PCDHGB3: variants seen among roughly 807,000 people sequenced by gnomAD.
PCDHGB3 encodes the protein protocadherin gamma subfamily B, 3.
A neutral mutation model predicts 59.2 loss-of-function variants in PCDHGB3; 40 were observed. The ratio of observed to expected loss-of-function variants is 0.68; its 90% CI spans 0.52 to 0.88. The LOEUF (loss-of-function observed/expected upper bound fraction) is 0.88, where lower values mean the gene tolerates loss of function less well. PCDHGB3 is among the 40% of genes least tolerant of loss of function. The pLI is 0.00. For synonymous variants in PCDHGB3, 581 were observed against 503.6 expected (o/e 1.15, Z -2.06); for missense variants, 1,309 against 1,187.9 (o/e 1.10, Z -1.50).
At chr5:141,454,697 T>A (rs768850161) in intron 1 of PCDHGB3, among the ~76,000 whole-genome samples, 14 of 150,312 alleles carry the variant, frequency 9.3e-5, no homozygotes, top group African/African-American at 3.4e-4. Flanking sequence ...TGAGCCACCA[T>A]GCTCCACCTG....
intron 1 of PCDHGB3, chr5:141,374,164 G>A: frequency 6.2e-7 from 1 of 1,612,952 alleles, no homozygotes; most frequent in East Asian, 2.2e-5. Context: ...GGGGGGCCGC[G>A]GCAGCGCAGA....
Position 141,423,504 on chromosome 5 carries a change from T to G in PCDHGB3, c.2415+50695T>G, listed in dbSNP as rs1448233226. ...TGCAAACCTATTCCCACGAGGTCTCTCTCATTGCGGACTCGCAGAAGAGTC... is the reference window on the plus strand; with the variant it reads ...TGCAAACCTATTCCCACGAGGTCTCGCTCATTGCGGACTCGCAGAAGAGTC... On this transcript the variant is annotated intron_variant, in intron 1 of 3. Transcript: ENST00000576222. The G allele has an allele frequency of 3.1e-6, 5 of 1,613,770 alleles. No individual in the cohort carries two copies. The Admixed American group carries it at 8.3e-5, about 27-fold the overall frequency.
At chr5:141,428,455 T>C (rs898393760) in intron 1 of PCDHGB3, 61 of 361,572 alleles carry the variant, frequency 1.7e-4, no homozygotes, top group African/African-American at 1.2e-3. Context: ...TTTTCCCAAC[T>C]ACAATGAGGG....
intron 1 of PCDHGB3, chr5:141,395,239 T>C: frequency 6.3e-7 from 1 of 1,589,970 alleles, no homozygotes; most frequent in Non-Finnish European, 8.6e-7. Flanking sequence ...CATGGTCAGG[T>C]GAGTTTAGTT....
chr5:141,426,166 G>A (rs545570121), intron 1 of PCDHGB3: 4 of 155,070 alleles, frequency 2.6e-5, no homozygotes, highest in South Asian at 2.0e-4. Context: ...GATTCCATAC[G>A]GATTGGGGTG....
intron 1 of PCDHGB3, chr5:141,375,340 C>T (rs1177631226): frequency 1.2e-6 from 2 of 1,613,836 alleles, no homozygotes; most frequent in African/African-American, 1.3e-5. Context: ...TCTTGTACAA[C>T]ATCACTGTGA....
At chr5:141,404,211 T>G in intron 1 of PCDHGB3, 1 of 1,613,724 alleles carries the variant, frequency 6.2e-7, no homozygotes, top group East Asian at 2.2e-5. Context: ...GAATATAATA[T>G]CACGGTGACT....
intron 1 of PCDHGB3, among the ~76,000 whole-genome samples, chr5:141,387,440 A>G (rs2090946110): frequency 6.6e-6 from 1 of 152,240 alleles, no homozygotes; most frequent in African/African-American, 2.4e-5. Flanking sequence ...TATGTACTTA[A>G]TCTACATGAT....
intron 1 of PCDHGB3, chr5:141,375,952 G>T (rs1032808913): frequency 1.2e-6 from 2 of 1,613,514 alleles, no homozygotes; most frequent in Non-Finnish European, 1.7e-6. Flanking sequence ...GCCTGCACAC[G>T]GGCGAGGTGC....
At chr5:141,383,600 A>G (rs1429825116) in intron 1 of PCDHGB3, 2 of 1,613,728 alleles carry the variant, frequency 1.2e-6, no homozygotes, top group South Asian at 2.2e-5. Flanking sequence ...ACAGTGGTGG[A>G]TGTGAATGAC....
chr5:141,509,027 A>G (rs1409179803), intron 3 of PCDHGB3, among the ~76,000 whole-genome samples: 1 of 151,700 alleles, frequency 6.6e-6, no homozygotes, highest in Non-Finnish European at 1.5e-5. Flanking sequence ...GCTCCCTCCC[A>G]CTCAACCCCT....
rs751214480 is a variant in PCDHGB3, at chr5:141,485,161, G to A, written c.2416-9646G>A. ...CGTCTCAGGAGCAAGTAGAGAATTA[G>A]CGGGCGGCAGCAATGCTCCGCAAGG... On this transcript the variant is annotated intron_variant, in intron 1 of 3. Transcript: ENST00000576222. The surrounding 1 kb of genome is among the most constrained non-coding windows in gnomAD (Gnocchi z 5.7). The A allele has an allele frequency of 8.1e-6, 13 of 1,603,712 alleles. No individual in the cohort carries two copies. The Admixed American group carries it at 2.0e-4, about 25-fold the overall frequency.
At chr5:141,500,192 A>T (rs865941565) in intron 2 of PCDHGB3, among the ~76,000 whole-genome samples, 1 of 110,142 alleles carries the variant, frequency 9.1e-6, no homozygotes, top group Non-Finnish European at 2.0e-5. Context: ...ATTTTTATTT[A>T]TTTATTTATT....
At chr5:141,497,077 G>A (rs191605427) in intron 2 of PCDHGB3, among the ~76,000 whole-genome samples, 4 of 151,990 alleles carry the variant, frequency 2.6e-5, no homozygotes, top group East Asian at 3.9e-4. Flanking sequence ...TAATCCCAGC[G>A]ACTTAGGAGG....
chr5:141,497,210 G>T (rs988856908), intron 2 of PCDHGB3, among the ~76,000 whole-genome samples: 1 of 28,140 alleles, frequency 3.6e-5, no homozygotes, highest in African/African-American at 1.1e-3. Context: ...TGAGTGTAAT[G>T]GGGGGGGGAA....
At chr5:141,383,575 G>T in intron 1 of PCDHGB3, 1 of 1,613,234 alleles carries the variant, frequency 6.2e-7, no homozygotes, top group African/African-American at 1.3e-5. Flanking sequence ...ATCCAGCACC[G>T]CCCACATCCA....
chr5:141,448,704 G>A (rs1272148301), intron 1 of PCDHGB3, among the ~76,000 whole-genome samples: 1 of 152,134 alleles, frequency 6.6e-6, no homozygotes. Flanking sequence ...ACTTTGGGAG[G>A]CCGAGGCGGG....
At chr5:141,492,822 C>T (rs1241767956) in intron 1 of PCDHGB3, among the ~76,000 whole-genome samples, 1 of 152,238 alleles carries the variant, frequency 6.6e-6, no homozygotes, top group Non-Finnish European at 1.5e-5. Context: ...GCACCAGCGG[C>T]CCCTTCCTCC....
chr5:141,490,990 C>A lies in PCDHGB3; in HGVS notation c.2416-3817C>A, dbSNP rs1230384508. On this transcript the variant is annotated intron_variant, in intron 1 of 3. Transcript: ENST00000576222. The surrounding 1 kb of genome is among the most constrained non-coding windows in gnomAD (Gnocchi z 5.4). ...CCCCCAGCGTCTCCCTCGCTCTGCTCCTCCTGGCTCCTTGGTCACCAAGGT... is the reference window on the plus strand; with the variant it reads ...CCCCCAGCGTCTCCCTCGCTCTGCTACTCCTGGCTCCTTGGTCACCAAGGT... The A allele has an allele frequency of 6.2e-7, 1 of 1,614,102 alleles. No homozygotes were observed. The highest frequency in any genetic ancestry group is 8.5e-7 in the Non-Finnish European group (1 of 1,180,022).
Sources: gnomAD v4.1 joint callset for allele counts (sites outside exome capture counted in the v4.1 genomes callset) on GRCh38, gnomAD v4.1.1 for gene constraint, Gnocchi (gnomAD v3.1) non-coding constraint, MANE v1.5 for transcripts, NCBI Gene and HGNC (gene_info 2026-07-23, HGNC 2026-07-21) for gene names.